The following SCN8A variants were observed in gnomAD, a reference collection of about 807,000 sequenced individuals.
SCN8A encodes the protein sodium voltage-gated channel alpha subunit 8, also known as sodium channel protein type 8 subunit alpha.
Under a neutral mutation model 184.1 loss-of-function variants are expected in SCN8A, and 30 were observed. That is an observed-to-expected ratio of 0.16 (90% CI 0.12 to 0.22). The LOEUF is 0.22. SCN8A is among the 10% of genes least tolerant of loss of function. SCN8A has a pLI of 1.00. For synonymous variants in SCN8A, 852 were observed against 907.0 expected (o/e 0.94, Z 1.09); for missense variants, 1,057 against 2,498.9 (o/e 0.42, Z 12.30).
chr12:51,662,219 G>A (rs1347640090), intron 1 of SCN8A, among the ~76,000 whole-genome samples: 1 of 152,202 alleles, frequency 6.6e-6, no homozygotes, highest in Non-Finnish European at 1.5e-5. Flanking sequence ...AACTTGAAAT[G>A]GAAGAACTAA....
intron 20 of SCN8A, among the ~76,000 whole-genome samples, chr12:51,779,217 CT>C (rs1211378390): frequency 1.2e-4 from 6 of 51,330 alleles, no homozygotes; most frequent in Admixed American, 2.7e-4. Flanking sequence ...GAGACTTTGT[CT>C]CAAAAAAAAA....
At chr12:51,699,494 A>C in intron 6 of SCN8A, 76 bp from the exon 7 acceptor site, 1 of 1,057,798 alleles carries the variant, frequency 9.5e-7, no homozygotes, top group South Asian at 1.6e-5. Flanking sequence ...AGTAGCAGCC[A>C]GTGGCTAAGA....
intron 1 of SCN8A, among the ~76,000 whole-genome samples, chr12:51,648,151 C>G (rs1940632278): frequency 6.6e-6 from 1 of 152,138 alleles, no homozygotes; most frequent in Admixed American, 6.5e-5. Flanking sequence ...TTTTTCATAA[C>G]CTTTAGATGC....
intron 1 of SCN8A, among the ~76,000 whole-genome samples, chr12:51,622,199 C>T (rs530939575): frequency 1.9e-4 from 29 of 152,278 alleles, no homozygotes; most frequent in African/African-American, 7.0e-4. Flanking sequence ...AGCAAAGTTG[C>T]AAGGGGAATA....
intron 12 of SCN8A, among the ~76,000 whole-genome samples, chr12:51,736,655 G>T (rs1392621290): frequency 2.6e-5 from 4 of 152,200 alleles, no homozygotes; most frequent in Non-Finnish European, 4.4e-5. Flanking sequence ...AGAGGTGTAT[G>T]AGCTCTAATG....
In SCN8A at chr12:51,645,269, C is replaced by T. The variant is rs550453267; in HGVS notation, c.-54-17495C>T. Among the ~76,000 whole-genome samples, 1,020 of 151,022 alleles carry T rather than the reference C, an allele frequency of 6.8e-3. 5 individuals are homozygous for T. Among genetic ancestry groups the T allele is most frequent in the Non-Finnish European group, 0.012 (788 of 67,500 alleles). ...GAAGTGAGGGGCGCCTCTGCCCAGC[C>T]GCCCCTACTGGGAAGTGAGGAGCCC... On this transcript the variant is annotated intron_variant, in intron 1 of 26. Coordinates refer to ENST00000627620, the MANE Select transcript of SCN8A (RefSeq NM_001330260.2).
intron 26 of SCN8A, among the ~76,000 whole-genome samples, chr12:51,796,806 T>C (rs1278880437): frequency 2.0e-5 from 3 of 152,190 alleles, no homozygotes; most frequent in Non-Finnish European, 1.5e-5. Flanking sequence ...GTCTAAAAGC[T>C]GAAGAACTCA....
intron 26 of SCN8A, among the ~76,000 whole-genome samples, chr12:51,801,451 A>G (rs927474087): frequency 1.3e-5 from 2 of 152,140 alleles, no homozygotes; most frequent in African/African-American, 4.8e-5. Flanking sequence ...TAAGGTGACT[A>G]ATCCACTCTA....
intron 13 of SCN8A, among the ~76,000 whole-genome samples, chr12:51,748,487 G>A (rs936198279): frequency 3.9e-5 from 6 of 152,138 alleles, no homozygotes; most frequent in African/African-American, 7.2e-5. Context: ...AGGACTGGGC[G>A]TGGGGTGTAG....
intron 1 of SCN8A, among the ~76,000 whole-genome samples, chr12:51,641,885 C>T (rs1302406575): frequency 6.6e-6 from 1 of 152,170 alleles, no homozygotes; most frequent in Non-Finnish European, 1.5e-5. Context: ...ACAAAAACAA[C>T]AGAAACCACA....
At chr12:51,644,255 G>A (rs2138637435) in intron 1 of SCN8A, among the ~76,000 whole-genome samples, 1 of 152,168 alleles carries the variant, frequency 6.6e-6, no homozygotes, top group South Asian at 2.1e-4. Flanking sequence ...GAAGTAGTGT[G>A]GTGAAGTTGT....
At chr12:51,594,791 C>CT (rs907398735) in intron 1 of SCN8A, among the ~76,000 whole-genome samples, 11 of 151,294 alleles carry the variant, frequency 7.3e-5, no homozygotes, top group Middle Eastern at 3.4e-3. Context: ...TTTTTCCAGT[C>CT]TTTTTTTTTC....
At chr12:51,804,667 G>A (rs1938646699) in intron 26 of SCN8A, among the ~76,000 whole-genome samples, 1 of 152,098 alleles carries the variant, frequency 6.6e-6, no homozygotes, top group Non-Finnish European at 1.5e-5. Context: ...GTAGAGACTG[G>A]GTTTTGCCAT....
chr12:51,688,418 A>G (rs541827030), intron 5 of SCN8A, among the ~76,000 whole-genome samples: 1 of 152,308 alleles, frequency 6.6e-6, no homozygotes, highest in African/African-American at 2.4e-5. Flanking sequence ...CTCTTAAGAA[A>G]TTGTTCGCAA....
chr12:51,740,126 G>T (rs1221633130), intron 12 of SCN8A, among the ~76,000 whole-genome samples: 1 of 152,212 alleles, frequency 6.6e-6, no homozygotes, highest in African/African-American at 2.4e-5. Flanking sequence ...CGGGCCAGGT[G>T]TTCCTTGCCC....
At chr12:51,702,076 C>T (rs1161433922) in intron 8 of SCN8A, among the ~76,000 whole-genome samples, 4 of 152,036 alleles carry the variant, frequency 2.6e-5, no homozygotes, top group Admixed American at 2.6e-4. Flanking sequence ...GTAATCCCAG[C>T]ACTTTGGGAG....
chr12:51,783,582 T>C (rs1937991837), intron 21 of SCN8A, among the ~76,000 whole-genome samples: 1 of 152,228 alleles, frequency 6.6e-6, no homozygotes, highest in African/African-American at 2.4e-5. Context: ...AAAGGAATAC[T>C]TAATGTAGTT....
intron 1 of SCN8A, among the ~76,000 whole-genome samples, chr12:51,634,295 G>C (rs939353740): frequency 1.3e-5 from 2 of 152,180 alleles, no homozygotes; most frequent in African/African-American, 2.4e-5. Flanking sequence ...ACATAACCCT[G>C]CAAGAGAGTG....
In SCN8A at chr12:51,807,272, G is replaced by C. The variant is rs748909364; in HGVS notation, c.5786G>C (p.Gly1929Ala). ...KTTSNKLENG[G>A]THREKKESTP... Reference sequence around the variant, plus strand: ...ACTTCTAATAAGCTGGAGAATGGAGGCACACACCGGGAGAAAAAAGAGAGC... The same window carrying C: ...ACTTCTAATAAGCTGGAGAATGGAGCCACACACCGGGAGAAAAAAGAGAGC... Residue 1929 changes from glycine to alanine, a missense_variant, in exon 27 of 27, where the codon GGC becomes GCC. Physicochemically the swap from Gly to Ala is moderately conservative, Grantham distance 60 (BLOSUM62 0). Around this residue, in one of 19 missense-constraint regions of SCN8A, gnomAD observed 95 missense variants for 140.2 expected, o/e 0.68. Coordinates refer to ENST00000627620, the MANE Select transcript of SCN8A (RefSeq NM_001330260.2). This position sits in a 1 kb window ranked among gnomAD's most constrained non-coding sequence, Gnocchi z 4.5. 4.3e-6 allele frequency: 7 copies of C among 1,613,824 alleles called. No individual in the cohort carries two copies. The highest frequency in any genetic ancestry group is 5.1e-6 in the Non-Finnish European group (6 of 1,179,888).
Sources: gnomAD v4.1 joint callset for allele counts (sites outside exome capture counted in the v4.1 genomes callset) on GRCh38, gnomAD v4.1.1 for gene constraint, gnomAD v4.1.1 regional missense constraint, Gnocchi (gnomAD v3.1) non-coding constraint, MANE v1.5 for transcripts, NCBI Gene and HGNC (gene_info 2026-07-23, HGNC 2026-07-21) for gene names.